NRG1: variants seen among roughly 807,000 people sequenced by gnomAD.
The protein encoded by NRG1 is pro-neuregulin-1, membrane-bound isoform.
NRG1 carries 18 observed loss-of-function variants against 63.8 expected under a neutral mutation model. The observed-to-expected ratio is 0.28, with a 90% CI of 0.19 to 0.42. NRG1 has a LOEUF of 0.42. Ranked by LOEUF, NRG1 falls within the 10% of genes least tolerant of loss-of-function variation. The pLI, the probability that NRG1 is intolerant of heterozygous loss-of-function variation, is 1.00. For missense variants in NRG1, 762 were observed against 814.7 expected (o/e 0.94, Z 0.79); for synonymous variants, 302 against 301.3 (o/e 1.00, Z -0.02).
At chr8:32,031,509 A>G (rs780378814) in intron 1 of NRG1, among the ~76,000 whole-genome samples, 61 of 151,584 alleles carry the variant, frequency 4.0e-4, no homozygotes, top group Non-Finnish European at 3.7e-4. Flanking sequence ...TTGTAGCCAC[A>G]TGTCTAAAGA....
intron 1 of NRG1, among the ~76,000 whole-genome samples, chr8:32,339,396 C>T (rs2129478181): frequency 6.6e-6 from 1 of 152,258 alleles, no homozygotes; most frequent in Admixed American, 6.5e-5. Context: ...GAATAAGCAT[C>T]TCCATCCATG....
At chr8:32,716,790 G>A (rs563673845) in intron 5 of NRG1, among the ~76,000 whole-genome samples, 91 of 142,592 alleles carry the variant, frequency 6.4e-4, no homozygotes, top group South Asian at 1.4e-3. Context: ...ATGTGTGTGC[G>A]TGCGTGTGTG....
intron 1 of NRG1, among the ~76,000 whole-genome samples, chr8:31,883,022 GA>G (rs1830466697): frequency 1.3e-5 from 2 of 152,070 alleles, no homozygotes; most frequent in Non-Finnish European, 2.9e-5. Flanking sequence ...AATTTCTCAA[GA>G]AATTTTATTG....
At chr8:31,914,743 C>T (rs1554574814) in intron 1 of NRG1, among the ~76,000 whole-genome samples, 1 of 150,608 alleles carries the variant, frequency 6.6e-6, no homozygotes, top group Non-Finnish European at 1.5e-5. Flanking sequence ...ATCAAATAAT[C>T]TTTTTTTTTC....
intron 1 of NRG1, among the ~76,000 whole-genome samples, chr8:32,394,535 G>A (rs1563403989): frequency 6.6e-6 from 1 of 152,188 alleles, no homozygotes; most frequent in East Asian, 1.9e-4. Flanking sequence ...GGGGCTGGTG[G>A]AAATTCTCCT....
At chr8:32,169,038 C>T (rs1175026441) in intron 1 of NRG1, among the ~76,000 whole-genome samples, 1 of 152,094 alleles carries the variant, frequency 6.6e-6, no homozygotes, top group African/African-American at 2.4e-5. Flanking sequence ...TTTAAGATTC[C>T]CTGTGGCCAA....
intron 1 of NRG1, among the ~76,000 whole-genome samples, chr8:32,365,349 C>G (rs1807819742): frequency 6.6e-6 from 1 of 151,662 alleles, no homozygotes. Context: ...TGCTACTTGC[C>G]TTTTGTCTTT....
chr8:32,302,675 G>A (rs945687337), intron 1 of NRG1, among the ~76,000 whole-genome samples: 9 of 145,080 alleles, frequency 6.2e-5, no homozygotes, highest in African/African-American at 1.0e-4. Flanking sequence ...AAGAAAAGAC[G>A]AACCTGTGGC....
chr8:32,028,536 G>A (rs1817805014), intron 1 of NRG1, among the ~76,000 whole-genome samples: 1 of 152,074 alleles, frequency 6.6e-6, no homozygotes, highest in Non-Finnish European at 1.5e-5. Context: ...ACCATTTCAG[G>A]GTTTTGCATT....
intron 1 of NRG1, among the ~76,000 whole-genome samples, chr8:32,267,601 T>C (rs1283013578): frequency 6.6e-6 from 1 of 152,224 alleles, no homozygotes; most frequent in African/African-American, 2.4e-5. Flanking sequence ...TTTATCACAG[T>C]CATTACCATG....
chr8:32,411,334 C>A (rs1814915389), intron 1 of NRG1, among the ~76,000 whole-genome samples: 1 of 152,060 alleles, frequency 6.6e-6, no homozygotes, highest in Admixed American at 6.6e-5. Context: ...CGGTGTGGGA[C>A]ACAAAATAGG....
intron 1 of NRG1, among the ~76,000 whole-genome samples, chr8:32,585,534 A>T (rs921948023): frequency 2.0e-5 from 3 of 152,180 alleles, no homozygotes; most frequent in Non-Finnish European, 2.9e-5. Flanking sequence ...CCATTAAGCC[A>T]CTTTTGTTGC....
chr8:32,462,756 AC>A (rs1438803382), intron 1 of NRG1, among the ~76,000 whole-genome samples: 2 of 151,700 alleles, frequency 1.3e-5, no homozygotes, highest in Non-Finnish European at 2.9e-5. Flanking sequence ...GGCATGCACC[AC>A]CATGCCCGGC....
At chr8:32,386,967 T>TAA (rs371410098) in intron 1 of NRG1, among the ~76,000 whole-genome samples, 1,917 of 151,920 alleles carry the variant, frequency 0.013, 34 homozygotes, top group African/African-American at 0.043. Flanking sequence ...CTCACATATG[T>TAA]AAAAAAAAAT....
chr8:31,697,664 T>C (rs938880586), intron 1 of NRG1, among the ~76,000 whole-genome samples: 5 of 152,184 alleles, frequency 3.3e-5, no homozygotes, highest in African/African-American at 1.2e-4. Flanking sequence ...CATCATTTAG[T>C]TGCAGACCTA....
At chr8:31,661,477 A>G (rs1275472019) in intron 1 of NRG1, among the ~76,000 whole-genome samples, 1 of 152,232 alleles carries the variant, frequency 6.6e-6, no homozygotes, top group East Asian at 1.9e-4. Context: ...GGGCAAACTT[A>G]GGTTGCCAGT....
intron 1 of NRG1, among the ~76,000 whole-genome samples, chr8:31,824,951 A>G (rs541680395): frequency 6.6e-5 from 10 of 152,214 alleles, no homozygotes; most frequent in Non-Finnish European, 1.5e-4. Context: ...GAAAAGAAAA[A>G]CATTAAATTT....
At chr8:32,550,607 A>G (rs1833928994) in intron 1 of NRG1, among the ~76,000 whole-genome samples, 2 of 152,170 alleles carry the variant, frequency 1.3e-5, no homozygotes, top group South Asian at 2.1e-4. Flanking sequence ...CAGCAGCAGT[A>G]CCGTAACACA....
intron 1 of NRG1, among the ~76,000 whole-genome samples, chr8:32,455,182 C>T (rs1821450965): frequency 6.6e-6 from 1 of 152,114 alleles, no homozygotes; most frequent in Non-Finnish European, 1.5e-5. Flanking sequence ...ACAAATTCAG[C>T]TCCGGACTTA....
Sources: gnomAD v4.1 joint callset for allele counts (sites outside exome capture counted in the v4.1 genomes callset) on GRCh38, gnomAD v4.1.1 for gene constraint, MANE v1.5 for transcripts, NCBI Gene and HGNC (gene_info 2026-07-23, HGNC 2026-07-21) for gene names.